The following CHODL variants were observed in gnomAD, a reference collection of about 807,000 sequenced individuals.
The protein encoded by CHODL is chondrolectin, also known as transmembrane protein MT75.
CHODL carries 29 observed loss-of-function variants against 34.5 expected under a neutral mutation model. That is an observed-to-expected ratio of 0.84 (90% CI 0.63 to 1.15). CHODL has a LOEUF of 1.15. Ranked by LOEUF, CHODL falls within the 50% of genes most tolerant of loss-of-function variation. The pLI, the probability that CHODL is intolerant of heterozygous loss-of-function variation, is 0.00. For synonymous variants in CHODL, 125 were observed against 116.1 expected, an observed-to-expected ratio of 1.08 and a Z score of -0.49; for missense variants, 332 against 332.5, an observed-to-expected ratio of 1.00 and a Z score of 0.01.
chr21:18,078,202 G>C (rs1302070105), intron 2 of CHODL, among the ~76,000 whole-genome samples: 1 of 152,156 alleles, frequency 6.6e-6, no homozygotes, highest in African/African-American at 2.4e-5. Flanking sequence ...AAGGAAAGAG[G>C]GTTGAGGGAC....
intron 1 of CHODL, among the ~76,000 whole-genome samples, chr21:18,025,909 C>A (rs984739339): frequency 6.6e-6 from 1 of 152,158 alleles, no homozygotes; most frequent in African/African-American, 2.4e-5. Flanking sequence ...ACCCTACAGA[C>A]CTCATTGTAA....
intron 2 of CHODL, among the ~76,000 whole-genome samples, chr21:18,070,095 G>A (rs1352608605): frequency 3.0e-5 from 4 of 135,560 alleles, no homozygotes; most frequent in Non-Finnish European, 4.6e-5. Context: ...TTCGTTCTCT[G>A]GCTAGTCTGG....
At chr21:18,219,674 A>T (rs1260513346) in intron 2 of CHODL, among the ~76,000 whole-genome samples, 1 of 152,018 alleles carries the variant, frequency 6.6e-6, no homozygotes, top group Non-Finnish European at 1.5e-5. Context: ...TTCCATGATT[A>T]TTAGGGATAT....
At chr21:17,988,947 A>G (rs984027603) in intron 1 of CHODL, among the ~76,000 whole-genome samples, 2 of 152,186 alleles carry the variant, frequency 1.3e-5, no homozygotes, top group Non-Finnish European at 2.9e-5. Context: ...TGGTATTTCT[A>G]GTTCTAGATC....
intron 2 of CHODL, among the ~76,000 whole-genome samples, chr21:18,124,772 A>G (rs764548240): frequency 6.6e-6 from 1 of 152,262 alleles, no homozygotes; most frequent in Non-Finnish European, 1.5e-5. Context: ...AGTGTTCTGA[A>G]TAAATAACAA....
chr21:18,178,847 T>C (rs958772771), intron 2 of CHODL, among the ~76,000 whole-genome samples: 1 of 152,162 alleles, frequency 6.6e-6, no homozygotes, highest in African/African-American at 2.4e-5. Flanking sequence ...CCATAGAGTT[T>C]AGTCATGTAT....
intron 1 of CHODL, among the ~76,000 whole-genome samples, chr21:18,248,732 A>AT (rs1555885914): frequency 8.3e-6 from 1 of 120,388 alleles, no homozygotes; most frequent in Non-Finnish European, 1.6e-5. Flanking sequence ...ATATGTATAT[A>AT]ATATATATGT....
Position 18,023,969 on chromosome 21 carries a change from T to C in CHODL, c.-144-3903T>C, listed in dbSNP as rs533791642. 1.3e-4 allele frequency among the ~76,000 whole-genome samples: 20 copies of C among 152,244 alleles called. No homozygotes were observed. In the East Asian group the frequency reaches 3.9e-3, roughly 29 times the overall value. On this transcript the variant is annotated intron_variant, in intron 1 of 6. Coordinates refer to the CHODL transcript ENST00000400127. ...TGGTAAAAGAGAAGGCAAGAGACAGTCCCCCTATGAGAATAACTTTGGTTG... is the reference window on the plus strand; with the variant it reads ...TGGTAAAAGAGAAGGCAAGAGACAGCCCCCCTATGAGAATAACTTTGGTTG...
rs545744704 is a variant in CHODL, at chr21:17,980,367, C to T, written c.-144-47505C>T. ...TTTGATTTAGCAGTAGAAATGTACG[C>T]TCTCCAGTAAATGAGAATAATAGGA... is the stretch of plus-strand genomic sequence containing the variant. On this transcript the variant is annotated intron_variant, in intron 1 of 6. Coordinates refer to the CHODL transcript ENST00000400127. Among the ~76,000 whole-genome samples the T allele has an allele frequency of 2.6e-5, 4 of 152,274 alleles. 1 individual carries two copies. The South Asian group carries it at 8.3e-4, about 32-fold the overall frequency.
rs58978469 is a variant in CHODL at position 18,162,411 on chromosome 21, TTCTCTCTCTC to T, written c.-44-94082_-44-94073del. On this transcript the variant is annotated intron_variant, in intron 2 of 6. Coordinates refer to the CHODL transcript ENST00000400127. ...TGTGCCTTCATATTCACGTGGTGTTTTCTCTCTCTCTCTCTCTCTCTCTCTTTCTCTTTCT... is the reference window on the plus strand; with the variant it reads ...TGTGCCTTCATATTCACGTGGTGTTTTCTCTCTCTCTCTCTTTCTCTTTCT... 8.1e-5 allele frequency among the ~76,000 whole-genome samples: 12 copies of T among 147,918 alleles called. No homozygotes were observed. The East Asian group carries it at 1.4e-3, about 17-fold the overall frequency.
chr21:18,027,436 TTAA>T (rs1413360778), intron 1 of CHODL, among the ~76,000 whole-genome samples: 1 of 152,208 alleles, frequency 6.6e-6, no homozygotes, highest in East Asian at 1.9e-4. Context: ...ATACAAATTA[TTAA>T]TGATGATAAT....
intron 2 of CHODL, among the ~76,000 whole-genome samples, chr21:18,222,362 T>G (rs1211248845): frequency 6.6e-6 from 1 of 152,158 alleles, no homozygotes; most frequent in African/African-American, 2.4e-5. Flanking sequence ...GCTATTTGGC[T>G]TCAGGGCAGG....
At chr21:18,036,150 A>G (rs1362127727) in intron 2 of CHODL, among the ~76,000 whole-genome samples, 1 of 152,048 alleles carries the variant, frequency 6.6e-6, no homozygotes, top group Admixed American at 6.6e-5. Flanking sequence ...CCTGTAGTCT[A>G]GGGCCAATTA....
chr21:18,145,204 A>G (rs1237993886), intron 2 of CHODL, among the ~76,000 whole-genome samples: 1 of 150,982 alleles, frequency 6.6e-6, no homozygotes, highest in East Asian at 2.0e-4. Context: ...TGGGAGGCCG[A>G]GACTGGCGGA....
At chr21:18,105,948 A>G (rs1201211063) in intron 2 of CHODL, among the ~76,000 whole-genome samples, 1 of 152,152 alleles carries the variant, frequency 6.6e-6, no homozygotes, top group Non-Finnish European at 1.5e-5. Flanking sequence ...CTGGCTTCTC[A>G]GATGCCAATG....
intron 2 of CHODL, among the ~76,000 whole-genome samples, chr21:18,174,610 CA>C (rs2073283973): frequency 6.6e-6 from 1 of 151,972 alleles, no homozygotes; most frequent in Admixed American, 6.5e-5. Flanking sequence ...TATGAGTGTG[CA>C]AAAAATATGT....
intron 1 of CHODL, among the ~76,000 whole-genome samples, chr21:18,005,730 G>T (rs2063954093): frequency 6.6e-6 from 1 of 152,140 alleles, no homozygotes; most frequent in African/African-American, 2.4e-5. Context: ...GGCCCCTTTT[G>T]TAGTTAACCA....
At chr21:18,092,196 GA>G (rs111684805) in intron 2 of CHODL, among the ~76,000 whole-genome samples, 6,696 of 151,298 alleles carry the variant, frequency 0.044, 490 homozygotes, top group African/African-American at 0.15. Flanking sequence ...AAAGTAAGGG[GA>G]AAAAAAAATC....
chr21:18,248,014 T>A (rs1382941632), intron 1 of CHODL, among the ~76,000 whole-genome samples: 1 of 151,902 alleles, frequency 6.6e-6, no homozygotes, highest in African/African-American at 2.4e-5. Flanking sequence ...TGTTTCTTTT[T>A]TTTTTTTCCT....
Sources: gnomAD v4.1 joint callset for allele counts (sites outside exome capture counted in the v4.1 genomes callset) on GRCh38, gnomAD v4.1.1 for gene constraint, MANE v1.5 for transcripts, NCBI Gene and HGNC (gene_info 2026-07-23, HGNC 2026-07-21) for gene names.